ATXN7L1: variants seen among roughly 807,000 people sequenced by gnomAD.
The protein encoded by ATXN7L1 is ataxin 7 like 1.
ATXN7L1 carries 15 observed loss-of-function variants against 70.8 expected under a neutral mutation model. The ratio of observed to expected loss-of-function variants is 0.21; its 90% CI spans 0.14 to 0.33. The LOEUF (loss-of-function observed/expected upper bound fraction) is 0.33. Ranked by LOEUF, ATXN7L1 falls within the 10% of genes least tolerant of loss-of-function variation. ATXN7L1 has a pLI of 1.00. For synonymous variants in ATXN7L1, 440 were observed against 445.1 expected, an observed-to-expected ratio of 0.99 and a Z score of 0.14; for missense variants, 975 against 1,097.1, an observed-to-expected ratio of 0.89 and a Z score of 1.57.
Position 105,614,236 on chromosome 7 carries a change from C to T in ATXN7L1, c.2098G>A (p.Val700Met). Residue 700 changes from valine to methionine, a missense_variant, in exon 10 of 12, where the codon GTG (valine) becomes ATG (methionine). Coordinates refer to ENST00000419735, the MANE Select transcript of ATXN7L1 (RefSeq NM_020725.2). The surrounding 1 kb of genome is among the most constrained non-coding windows in gnomAD (Gnocchi z 4.3). ...QAAPPYNSLS[V>M]HNSNNGVSPL... Reference sequence around the variant, plus strand: ...CTCACCCCATTGTTTGAGTTGTGCACAGACAGGCTGTTATAGGGAGGGGCC... The same window carrying T: ...CTCACCCCATTGTTTGAGTTGTGCATAGACAGGCTGTTATAGGGAGGGGCC... 1.9e-6 allele frequency: 3 copies of T among 1,551,682 alleles called. No homozygotes were observed. The highest frequency in any genetic ancestry group is 2.6e-6 in the Non-Finnish European group (3 of 1,147,008).
chr7:105,872,327 A>C (rs911403626), intron 2 of ATXN7L1, among the ~76,000 whole-genome samples: 10 of 152,160 alleles, frequency 6.6e-5, no homozygotes, highest in Non-Finnish European at 1.3e-4. Flanking sequence ...TTTCCAGCCT[A>C]ACTTCTCTTC....
At chr7:105,714,067 G>A (rs1022041870) in intron 3 of ATXN7L1, among the ~76,000 whole-genome samples, 2 of 152,212 alleles carry the variant, frequency 1.3e-5, no homozygotes, top group Non-Finnish European at 2.9e-5. Context: ...ACTTCACATA[G>A]CTTAGCTCAT....
chr7:105,785,111 A>G (rs529337345), intron 3 of ATXN7L1, among the ~76,000 whole-genome samples: 22 of 152,340 alleles, frequency 1.4e-4, no homozygotes, highest in Admixed American at 4.6e-4. Context: ...AGCTTCCTCA[A>G]TTACAAAATG....
chr7:105,624,275 C>T lies in ATXN7L1; in HGVS notation c.1203-8G>A. 2 of 1,390,054 alleles carry T rather than the reference C, an allele frequency of 1.4e-6. No homozygotes were observed. Among genetic ancestry groups the T allele is most frequent in the Non-Finnish European group, 1.9e-6 (2 of 1,056,988 alleles). 86.1% of individuals were successfully genotyped at this position (1,390,054 alleles called of 1,614,324 possible). A position where few individuals can be genotyped will look rare whatever the true frequency, so the allele number is the denominator to read the frequency against. On this transcript the variant is annotated splice_region_variant and splice_polypyrimidine_tract_variant and intron_variant, in intron 7 of 11. Coordinates refer to ENST00000419735, the MANE Select transcript of ATXN7L1 (RefSeq NM_020725.2). ...CTATTTGCAGATGATGGTCTAAGGG[C>T]AAGAGCGGAGAACAAACAAAATAAA... is the stretch of plus-strand genomic sequence containing the variant.
intron 4 of ATXN7L1, among the ~76,000 whole-genome samples, chr7:105,664,310 G>T (rs1802172432): frequency 6.6e-6 from 1 of 151,738 alleles, no homozygotes; most frequent in South Asian, 2.1e-4. Flanking sequence ...AAAATTGAGA[G>T]GTGGCAGCAG....
At chr7:105,868,423 A>C (rs1353421168) in intron 2 of ATXN7L1, among the ~76,000 whole-genome samples, 1 of 152,212 alleles carries the variant, frequency 6.6e-6, no homozygotes, top group Non-Finnish European at 1.5e-5. Flanking sequence ...GCTGAGAAAC[A>C]GTTGAGCGTA....
intron 2 of ATXN7L1, among the ~76,000 whole-genome samples, chr7:105,843,562 C>A (rs1001397203): frequency 5.3e-5 from 8 of 152,168 alleles, no homozygotes; most frequent in Admixed American, 2.0e-4. Context: ...GCCCTGTGAG[C>A]CTTTGACTCA....
intron 2 of ATXN7L1, among the ~76,000 whole-genome samples, chr7:105,868,288 C>T (rs190723069): frequency 1.1e-3 from 171 of 152,296 alleles, no homozygotes; most frequent in African/African-American, 4.0e-3. Context: ...CCTGTACTTT[C>T]GCCACCAGGC....
At chr7:105,838,412 C>T (rs543113470) in intron 2 of ATXN7L1, among the ~76,000 whole-genome samples, 3 of 152,348 alleles carry the variant, frequency 2.0e-5, no homozygotes, top group South Asian at 2.1e-4. Flanking sequence ...CAATCATTCA[C>T]TTTCAGCCAG....
At chr7:105,728,328 C>T (rs1300975585) in intron 3 of ATXN7L1, among the ~76,000 whole-genome samples, 1 of 152,144 alleles carries the variant, frequency 6.6e-6, no homozygotes, top group East Asian at 1.9e-4. Context: ...TTATAATTCT[C>T]ATACTGTTAT....
At chr7:105,736,513 G>A (rs1480288277) in intron 3 of ATXN7L1, among the ~76,000 whole-genome samples, 1 of 152,150 alleles carries the variant, frequency 6.6e-6, no homozygotes, top group African/African-American at 2.4e-5. Flanking sequence ...GCAGTTTTGT[G>A]GAACACGTTT....
At chr7:105,628,956 T>C (rs556281612) in intron 7 of ATXN7L1, among the ~76,000 whole-genome samples, 31 of 147,440 alleles carry the variant, frequency 2.1e-4, no homozygotes, top group African/African-American at 6.2e-4. Context: ...TTTTTTCCCA[T>C]GGTGAGAACA....
chr7:105,636,456 A>T (rs867613546), intron 7 of ATXN7L1, among the ~76,000 whole-genome samples: 1 of 86,338 alleles, frequency 1.2e-5, no homozygotes, highest in Non-Finnish European at 2.6e-5. Flanking sequence ...TGCCCCCCCC[A>T]CCCCCACTTC....
intron 3 of ATXN7L1, among the ~76,000 whole-genome samples, chr7:105,744,907 C>CT (rs1354550133): frequency 6.6e-6 from 1 of 151,338 alleles, no homozygotes; most frequent in Non-Finnish European, 1.5e-5. Flanking sequence ...CCAGCTAATT[C>CT]TTGTATTTTT....
At chr7:105,679,559 T>C (rs147281382) in intron 3 of ATXN7L1, among the ~76,000 whole-genome samples, 76 of 152,328 alleles carry the variant, frequency 5.0e-4, no homozygotes, top group African/African-American at 1.7e-3. Context: ...GAAAATACTT[T>C]TGTGGGTTGT....
At chr7:105,821,135 G>A (rs890938474) in intron 2 of ATXN7L1, among the ~76,000 whole-genome samples, 10 of 152,150 alleles carry the variant, frequency 6.6e-5, no homozygotes, top group Non-Finnish European at 1.3e-4. Flanking sequence ...TGCCTCCCGG[G>A]TTCAAGCGAT....
intron 2 of ATXN7L1, among the ~76,000 whole-genome samples, chr7:105,834,782 A>C (rs7786583): frequency 3.7e-4 from 56 of 152,290 alleles, no homozygotes; most frequent in African/African-American, 1.3e-3. Flanking sequence ...ACTAGAACGA[A>C]TCCTGCCACA....
chr7:105,854,352 C>G (rs889953721), intron 2 of ATXN7L1, among the ~76,000 whole-genome samples: 5 of 151,620 alleles, frequency 3.3e-5, no homozygotes, highest in Non-Finnish European at 1.5e-5. Flanking sequence ...TTGGGACACA[C>G]AACATCTGTG....
chr7:105,811,307 C>T (rs1808395322), intron 2 of ATXN7L1, among the ~76,000 whole-genome samples: 1 of 152,122 alleles, frequency 6.6e-6, no homozygotes, highest in Admixed American at 6.5e-5. Flanking sequence ...ACATGGAAAG[C>T]CAAGGATGGC....
Sources: allele counts gnomAD v4.1 joint callset (sites outside exome capture counted in the v4.1 genomes callset), GRCh38; gene constraint gnomAD v4.1.1; non-coding constraint Gnocchi (gnomAD v3.1); transcripts MANE v1.5; gene names NCBI Gene and HGNC (gene_info 2026-07-23, HGNC 2026-07-21).